SDK2: variants seen among roughly 807,000 people sequenced by gnomAD.
SDK2 encodes the protein sidekick cell adhesion molecule 2.
A neutral mutation model predicts 253.9 loss-of-function variants in SDK2; 105 were observed. The observed-to-expected ratio is 0.41, with a 90% CI of 0.35 to 0.49. The LOEUF (loss-of-function observed/expected upper bound fraction) is 0.49, where lower values mean the gene tolerates loss of function less well. Among genes scored for constraint, SDK2 ranks in the 20% least tolerant of loss-of-function variants. The pLI is 0.06. For missense variants in SDK2, 2,608 were observed against 3,003.0 expected (o/e 0.87, Z 3.07); for synonymous variants, 1,249 against 1,234.9 (o/e 1.01, Z -0.24).
chr17:73,601,631 C>T (rs55704971), intron 1 of SDK2, among the ~76,000 whole-genome samples: 20,773 of 152,066 alleles, frequency 0.14, 1,587 homozygotes, highest in South Asian at 0.25. Context: ...GGAGAATCAC[C>T]AGTAGCGCCC....
At chr17:73,348,228 T>C (rs1235788775) in intron 44 of SDK2, among the ~76,000 whole-genome samples, 1 of 152,238 alleles carries the variant, frequency 6.6e-6, no homozygotes, top group Non-Finnish European at 1.5e-5. Context: ...GTCTCTGGCC[T>C]GGAATGCAGG....
At chr17:73,446,578 C>A (rs1277810174) in intron 5 of SDK2, among the ~76,000 whole-genome samples, 1 of 152,204 alleles carries the variant, frequency 6.6e-6, no homozygotes, top group African/African-American at 2.4e-5. Context: ...TGGACATGGA[C>A]AGCAGAGGCT....
chr17:73,503,386 ATAT>A (rs750499435), intron 2 of SDK2, among the ~76,000 whole-genome samples: 40 of 152,330 alleles, frequency 2.6e-4, no homozygotes, highest in South Asian at 4.1e-4. Context: ...CTCTTAGGAA[ATAT>A]TATTTATGAA....
chr17:73,531,644 A>T (rs553045143), intron 1 of SDK2, among the ~76,000 whole-genome samples: 3 of 152,190 alleles, frequency 2.0e-5, no homozygotes, highest in East Asian at 3.9e-4. Flanking sequence ...AGCCCAATCT[A>T]CTTAATTAAA....
chr17:73,491,670 C>T (rs1331504580), intron 2 of SDK2, among the ~76,000 whole-genome samples: 1 of 152,202 alleles, frequency 6.6e-6, no homozygotes, highest in East Asian at 1.9e-4. Context: ...GCAGCAGGTC[C>T]CAGATTCAAT....
At chr17:73,408,395 TTA>T (rs200619837) in intron 18 of SDK2, among the ~76,000 whole-genome samples, 137,868 of 148,402 alleles carry the variant, frequency 0.93, 64,119 homozygotes, top group Non-Finnish European at 0.96. Flanking sequence ...TTTTTTTTTT[TTA>T]ATATTTTTAG....
intron 3 of SDK2, among the ~76,000 whole-genome samples, chr17:73,457,306 TCCCCCC>T (rs2063535368): frequency 1.3e-4 from 4 of 30,460 alleles, no homozygotes; most frequent in South Asian, 2.3e-3. Flanking sequence ...TCCCTCCCCC[TCCCCCC>T]CTCCCCTCTC....
At chr17:73,538,407 T>C (rs1422078119) in intron 1 of SDK2, among the ~76,000 whole-genome samples, 3 of 152,324 alleles carry the variant, frequency 2.0e-5, no homozygotes, top group African/African-American at 7.2e-5. Flanking sequence ...TCCTTTTAAA[T>C]GGATCATTTA....
rs2046052594 is a variant in SDK2, at chr17:73,616,107, G to A, written c.64+27918C>T. 6.6e-6 allele frequency among the ~76,000 whole-genome samples: 1 copy of A among 152,166 alleles called. No individual in the cohort carries two copies. The highest frequency in any genetic ancestry group is 1.5e-5 in the Non-Finnish European group (1 of 68,036). ...ATCTGAGCTTGACAGTGTGCATGAA[G>A]TAGACATATGATCCAGTTTGTGGAA... On this transcript the variant is annotated intron_variant, in intron 1 of 44. Transcript: ENST00000392650. This position sits in a 1 kb window ranked among gnomAD's most constrained non-coding sequence, Gnocchi z 5.2.
intron 18 of SDK2, among the ~76,000 whole-genome samples, chr17:73,410,525 C>T (rs941381200): frequency 6.6e-6 from 1 of 152,082 alleles, no homozygotes; most frequent in Non-Finnish European, 1.5e-5. Context: ...ACCATATTGG[C>T]CAGGCTGTTT....
At position 73,639,449 on chromosome 17, in the gene SDK2, C is replaced by T. The variant is rs2046370601; in HGVS notation, c.64+4576G>A. 6.6e-6 allele frequency among the ~76,000 whole-genome samples: 1 copy of T among 152,164 alleles called. No homozygotes were observed. Among genetic ancestry groups the T allele is most frequent in the South Asian group, 2.1e-4 (1 of 4,824 alleles). On this transcript the variant is annotated intron_variant, in intron 1 of 44. Coordinates refer to ENST00000392650, the MANE Select transcript of SDK2 (RefSeq NM_001144952.2). This position sits in a 1 kb window ranked among gnomAD's most constrained non-coding sequence, Gnocchi z 4.3. ...GGTGGGACACCTAGGGGAGGGGGCA[C>T]CCGGGGTGTCTCGGCAACCAGCTTG...
At chr17:73,630,042 C>T (rs1254784657) in intron 1 of SDK2, among the ~76,000 whole-genome samples, 1 of 152,168 alleles carries the variant, frequency 6.6e-6, no homozygotes, top group African/African-American at 2.4e-5. Context: ...CATGTGTTAA[C>T]TGAGCTTTGC....
chr17:73,593,274 A>T (rs11656608), intron 1 of SDK2, among the ~76,000 whole-genome samples: 27,924 of 152,044 alleles, frequency 0.18, 2,789 homozygotes, highest in South Asian at 0.25. Context: ...GGGGGCCCAG[A>T]CACCTCTGTA....
Position 73,447,776 on chromosome 17 carries a change from CA to C in SDK2, c.480-29del. ...GGGAAGAGGAAAAGGATTCCTCTGA[CA>C]GGGGCCTAAGGGGCTCTGAACCTCC... is the stretch of plus-strand genomic sequence containing the variant. On this transcript the variant is annotated intron_variant, in intron 4 of 44. Transcript: ENST00000392650. The surrounding 1 kb of genome is among the most constrained non-coding windows in gnomAD (Gnocchi z 4.0). 2 of 1,551,496 alleles carry C rather than the reference CA, an allele frequency of 1.3e-6. No homozygotes were observed. The highest frequency in any genetic ancestry group is 1.7e-6 in the Non-Finnish European group (2 of 1,146,892).
intron 1 of SDK2, among the ~76,000 whole-genome samples, chr17:73,551,169 G>A (rs1041206893): frequency 1.4e-4 from 22 of 152,148 alleles, no homozygotes; most frequent in Admixed American, 9.8e-4. Flanking sequence ...CACGCTAGCC[G>A]GGGACTCCAC....
At chr17:73,456,610 CT>C (rs1343335793) in intron 3 of SDK2, among the ~76,000 whole-genome samples, 1 of 152,134 alleles carries the variant, frequency 6.6e-6, no homozygotes, top group African/African-American at 2.4e-5. Flanking sequence ...CGTTTCTCTC[CT>C]GCGCCTTGGG....
rs1252468617 is a variant in SDK2 at position 73,361,946 on chromosome 17, TG to T, written c.5306-102del. ...GGCCGTGGCCTGGGCCCCGGGACCC[TG>T]GGTAGGGGCCTCACTCCTTGAGGTC... On this transcript the variant is annotated intron_variant, in intron 38 of 44. Transcript: ENST00000392650. The surrounding 1 kb of genome is among the most constrained non-coding windows in gnomAD (Gnocchi z 4.1). The T allele has an allele frequency of 8.0e-5, 94 of 1,182,186 alleles. 1 individual carries two copies. Among genetic ancestry groups the T allele is most frequent in the Middle Eastern group, 2.5e-4 (1 of 4,006 alleles). 73.2% of individuals were successfully genotyped at this position (1,182,186 alleles called of 1,614,324 possible). A position where few individuals can be genotyped will look rare whatever the true frequency, so the allele number is the denominator to read the frequency against.
intron 1 of SDK2, among the ~76,000 whole-genome samples, chr17:73,633,902 A>G (rs2046299495): frequency 6.6e-6 from 1 of 152,176 alleles, no homozygotes; most frequent in African/African-American, 2.4e-5. Flanking sequence ...GGAAGGTGCT[A>G]TTGGGCTGGC....
At chr17:73,363,252 G>A (rs2062656641) in intron 38 of SDK2, among the ~76,000 whole-genome samples, 1 of 152,166 alleles carries the variant, frequency 6.6e-6, no homozygotes, top group East Asian at 1.9e-4. Context: ...TGTATTTTTA[G>A]TAGAGACAGG....
Sources: allele counts gnomAD v4.1 joint callset (sites outside exome capture counted in the v4.1 genomes callset), GRCh38; gene constraint gnomAD v4.1.1; non-coding constraint Gnocchi (gnomAD v3.1); transcripts MANE v1.5; gene names NCBI Gene and HGNC (gene_info 2026-07-23, HGNC 2026-07-21).